Variants in GALNT13 observed in about 807,000 individuals in gnomAD.
GALNT13 encodes the protein UDP-GalNAc:polypeptide N-acetylgalactosaminyltransferase 13.
Under a neutral mutation model 64.2 loss-of-function variants are expected in GALNT13, and 28 were observed. The ratio of observed to expected loss-of-function variants is 0.44; its 90% CI spans 0.32 to 0.60. The LOEUF (loss-of-function observed/expected upper bound fraction) is 0.60. GALNT13 is among the 20% of genes least tolerant of loss of function. The probability of loss-of-function intolerance (pLI) is 0.05; values close to 1 mark genes in which losing one functional copy is unlikely to be tolerated. For synonymous variants in GALNT13, 214 were observed against 224.6 expected, an observed-to-expected ratio of 0.95 and a Z score of 0.42; for missense variants, 577 against 669.8, an observed-to-expected ratio of 0.86 and a Z score of 1.53.
At chr2:153,433,291 C>G in the GALNT13 span, among the ~76,000 whole-genome samples, 3 of 152,164 alleles carry the variant, frequency 2.0e-5, no homozygotes, top group Admixed American at 6.5e-5. Context: ...CTACCACATT[C>G]TTTCATAGTT....
At chr2:153,139,944 C>A in the GALNT13 span, among the ~76,000 whole-genome samples, 1 of 151,894 alleles carries the variant, frequency 6.6e-6, no homozygotes, top group Admixed American at 6.6e-5. Context: ...ATAGGAGTGA[C>A]CAGATCATGT....
the GALNT13 span, among the ~76,000 whole-genome samples, chr2:153,401,273 G>T: frequency 6.6e-6 from 1 of 151,898 alleles, no homozygotes; most frequent in African/African-American, 2.4e-5. Flanking sequence ...TAGTTTGATT[G>T]CACTGTGGTC....
the GALNT13 span, among the ~76,000 whole-genome samples, chr2:153,776,934 C>G: frequency 6.6e-6 from 1 of 152,214 alleles, no homozygotes; most frequent in Non-Finnish European, 1.5e-5. Flanking sequence ...CCTCAGTGAA[C>G]AGGGGAATCT....
intron 4 of GALNT13, among the ~76,000 whole-genome samples, chr2:154,207,125 A>C (rs1016160394): frequency 1.3e-5 from 2 of 152,192 alleles, no homozygotes; most frequent in African/African-American, 4.8e-5. Flanking sequence ...ATCACTAACT[A>C]TGACCCCATT....
chr2:153,188,849 A>T, the GALNT13 span, among the ~76,000 whole-genome samples: 1 of 152,086 alleles, frequency 6.6e-6, no homozygotes, highest in African/African-American at 2.4e-5. Flanking sequence ...GGTACATAGT[A>T]TTTGCATGTA....
chr2:153,730,769 C>A, the GALNT13 span, among the ~76,000 whole-genome samples: 1 of 151,662 alleles, frequency 6.6e-6, no homozygotes, highest in Non-Finnish European at 1.5e-5. Flanking sequence ...AGAAGACATA[C>A]AAGTGACTAA....
intron 12 of GALNT13, among the ~76,000 whole-genome samples, chr2:154,443,337 T>A (rs1012436217): frequency 5.9e-5 from 9 of 152,088 alleles, no homozygotes; most frequent in African/African-American, 2.2e-4. Flanking sequence ...TAGATTACCT[T>A]GTCTGGAGAT....
the GALNT13 span, among the ~76,000 whole-genome samples, chr2:153,372,520 C>G: frequency 6.6e-6 from 1 of 152,072 alleles, no homozygotes; most frequent in Non-Finnish European, 1.5e-5. Context: ...GTGGTACACA[C>G]CTGTAGTCCC....
At chr2:154,242,330 C>T in intron 5 of GALNT13, 134 bp downstream of exon 5, 1 of 705,592 alleles carries the variant, frequency 1.4e-6, no homozygotes, top group Non-Finnish European at 2.3e-6. Context: ...TTTTACTAGC[C>T]CTGCCACAGC....
chr2:153,312,208 G>T, the GALNT13 span, among the ~76,000 whole-genome samples: 9 of 152,178 alleles, frequency 5.9e-5, no homozygotes, highest in African/African-American at 2.2e-4. Flanking sequence ...CTACGGGACA[G>T]TCCTGATGGA....
At chr2:153,362,017 G>T in the GALNT13 span, among the ~76,000 whole-genome samples, 8 of 152,300 alleles carry the variant, frequency 5.3e-5, no homozygotes, top group African/African-American at 1.9e-4. Context: ...ACTAACAGCA[G>T]ATCTCTCAGT....
At chr2:153,596,003 G>A in the GALNT13 span, among the ~76,000 whole-genome samples, 1 of 152,164 alleles carries the variant, frequency 6.6e-6, no homozygotes, top group African/African-American at 2.4e-5. Context: ...CTTCACCCAG[G>A]TAAGATTAGT....
At chr2:154,025,771 G>C (rs1484653729) in intron 3 of GALNT13, among the ~76,000 whole-genome samples, 1 of 152,158 alleles carries the variant, frequency 6.6e-6, no homozygotes, top group African/African-American at 2.4e-5. Flanking sequence ...CAGTGAGAAA[G>C]ACTAGTAAGC....
At chr2:153,426,874 T>C in the GALNT13 span, among the ~76,000 whole-genome samples, 1 of 152,156 alleles carries the variant, frequency 6.6e-6, no homozygotes, top group East Asian at 1.9e-4. Context: ...GAAAGTATTT[T>C]TATGTTTCAA....
chr2:153,710,826 T>G, the GALNT13 span, among the ~76,000 whole-genome samples: 1 of 152,136 alleles, frequency 6.6e-6, no homozygotes. Flanking sequence ...TACATTTTCT[T>G]TCTTACAGAT....
chr2:153,897,174 A>G (rs913665767), intron 1 of GALNT13, among the ~76,000 whole-genome samples: 1 of 152,158 alleles, frequency 6.6e-6, no homozygotes, highest in African/African-American at 2.4e-5. Context: ...ACCGGTGTGT[A>G]ATTTTTAATG....
the GALNT13 span, among the ~76,000 whole-genome samples, chr2:153,322,595 T>C: frequency 2.6e-5 from 4 of 152,150 alleles, no homozygotes; most frequent in African/African-American, 9.7e-5. Flanking sequence ...GGTGGTTTGC[T>C]GCATCCATCA....
chr2:153,689,646 A>T, the GALNT13 span, among the ~76,000 whole-genome samples: 1 of 152,066 alleles, frequency 6.6e-6, no homozygotes, highest in African/African-American at 2.4e-5. Context: ...CCTTTTAAAT[A>T]TGTGATTCCA....
the GALNT13 span, among the ~76,000 whole-genome samples, chr2:153,434,879 G>A: frequency 1.1e-4 from 16 of 152,158 alleles, no homozygotes; most frequent in East Asian, 2.9e-3. Flanking sequence ...ATTGCTTTTG[G>A]TGTTTTAGAC....
Sources: allele counts gnomAD v4.1 joint callset (sites outside exome capture counted in the v4.1 genomes callset), GRCh38; gene constraint gnomAD v4.1.1; transcripts MANE v1.5; gene names NCBI Gene and HGNC (gene_info 2026-07-23, HGNC 2026-07-21).